The following PCDHGB3 variants were observed in gnomAD, a reference collection of about 807,000 sequenced individuals.
PCDHGB3 encodes protocadherin gamma subfamily B, 3, also known as protocadherin gamma-B3.
A neutral mutation model predicts 59.2 loss-of-function variants in PCDHGB3; 40 were observed. The ratio of observed to expected loss-of-function variants is 0.68; its 90% CI spans 0.52 to 0.88. PCDHGB3 has a LOEUF of 0.88. Ranked by LOEUF, PCDHGB3 falls within the 40% of genes least tolerant of loss-of-function variation. The pLI is 0.00. For synonymous variants in PCDHGB3, 581 were observed against 503.6 expected (o/e 1.15, Z -2.06); for missense variants, 1,309 against 1,187.9 (o/e 1.10, Z -1.50).
intron 1 of PCDHGB3, chr5:141,427,900 C>T (rs1351712272): frequency 2.5e-6 from 4 of 1,571,732 alleles, no homozygotes; most frequent in Non-Finnish European, 3.5e-6. Flanking sequence ...GGCTCGCCCG[C>T]GCTCAGCGCC....
intron 1 of PCDHGB3, chr5:141,397,962 A>G (rs968992832): frequency 2.0e-5 from 21 of 1,036,912 alleles, no homozygotes; most frequent in Non-Finnish European, 2.8e-5. Flanking sequence ...CCCAGCTCAG[A>G]CTCCCCAGCG....
At position 141,404,694 on chromosome 5, in the gene PCDHGB3, C is replaced by T. The variant is rs749803871; in HGVS notation, c.2415+31885C>T. 10 of 1,614,116 alleles carry T rather than the reference C, an allele frequency of 6.2e-6. No homozygotes were observed. The East Asian group carries it at 2.0e-4, about 32-fold the overall frequency. ...ACTGGTGTGGAGCTGGCACCCCGCT[C>T]TGCAGAGCCTGGCTACCTGGTGACC... On this transcript the variant is annotated intron_variant, in intron 1 of 3. Coordinates refer to ENST00000576222, the MANE Select transcript of PCDHGB3 (RefSeq NM_018924.5).
At chr5:141,419,443 C>A in intron 1 of PCDHGB3, 1 of 1,613,080 alleles carries the variant, frequency 6.2e-7, no homozygotes, top group Non-Finnish European at 8.5e-7. Context: ...TGCGCACCTT[C>A]GAGCTCACGC....
In PCDHGB3 at chr5:141,511,367, G is replaced by A. The variant is rs563286583; in HGVS notation, c.*194G>A. ...CCTTCCCCCCCAGGGGGTTGAATAT[G>A]CAAAAGCAGTTCCGCTGGGAACCCC... On this transcript the variant is annotated 3_prime_UTR_variant, in exon 4 of 4. Coordinates refer to ENST00000576222, the MANE Select transcript of PCDHGB3 (RefSeq NM_018924.5). 2.3e-6 allele frequency: 3 copies of A among 1,299,952 alleles called. No individual in the cohort carries two copies. Among genetic ancestry groups the A allele is most frequent in the Non-Finnish European group, 3.1e-6 (3 of 967,442 alleles). 80.5% of individuals were successfully genotyped at this position (1,299,952 alleles called of 1,614,324 possible).
At chr5:141,510,849 G>C (rs959784028) in intron 3 of PCDHGB3, 98 bp from the exon 4 acceptor site, 10 of 1,596,568 alleles carry the variant, frequency 6.3e-6, no homozygotes, top group Middle Eastern at 1.7e-4. Flanking sequence ...CAAGGCCCAG[G>C]GTGCTGTATA....
intron 1 of PCDHGB3, chr5:141,404,885 G>C: frequency 1.2e-6 from 2 of 1,613,906 alleles, no homozygotes; most frequent in Non-Finnish European, 1.7e-6. Context: ...CCTTGTGGTG[G>C]CTGTACAGGA....
chr5:141,401,890 C>T (rs2094204069), intron 1 of PCDHGB3, among the ~76,000 whole-genome samples: 1 of 152,084 alleles, frequency 6.6e-6, no homozygotes, highest in Non-Finnish European at 1.5e-5. Context: ...ATTTTGTGTT[C>T]TTTTTCCCAA....
rs189405542 is a variant in PCDHGB3, at chr5:141,370,398, G to A, written c.4G>A (p.Gly2Arg). Residue 2 changes from glycine (G) to arginine (R), a missense_variant, in exon 1 of 4, where the codon GGA (glycine) becomes AGA (arginine). By Grantham distance (125) the Gly-to-Arg change is moderately radical. Transcript: ENST00000576222. ...AGGCAAAGGCGCAGAGAGCGGGATG[G>A]GAAATAGCTCCGGATGGAGGGGCCC... M[G>R]NSSGWRGPAG... 5 of 1,550,336 alleles carry A rather than the reference G, an allele frequency of 3.2e-6. No individual in the cohort carries two copies. In the Admixed American group the frequency reaches 1.0e-4, roughly 32 times the overall value.
At position 141,489,515 on chromosome 5, in the gene PCDHGB3, G is replaced by T; in HGVS notation, c.2416-5292G>T. ...CTGGCAGTGAATCAAAAGATTGACC[G>T]AGAAAGCCTATGTGGAGCCAGCACC... On this transcript the variant is annotated intron_variant, in intron 1 of 3. Coordinates refer to ENST00000576222, the MANE Select transcript of PCDHGB3 (RefSeq NM_018924.5). This position sits in a 1 kb window ranked among gnomAD's most constrained non-coding sequence, Gnocchi z 4.5. 4.3e-6 allele frequency: 7 copies of T among 1,614,104 alleles called. No individual in the cohort carries two copies. Among genetic ancestry groups the T allele is most frequent in the Non-Finnish European group, 5.9e-6 (7 of 1,180,034 alleles).
intron 1 of PCDHGB3, among the ~76,000 whole-genome samples, chr5:141,457,517 TTAA>T (rs1261688593): frequency 6.6e-6 from 1 of 152,196 alleles, no homozygotes; most frequent in Non-Finnish European, 1.5e-5. Flanking sequence ...TTAAAAACAA[TTAA>T]TGAGACTAGG....
At chr5:141,400,036 C>G (rs1232257433) in intron 1 of PCDHGB3, 28 of 1,613,256 alleles carry the variant, frequency 1.7e-5, no homozygotes, top group Non-Finnish European at 2.4e-5. Context: ...GGCCCGCCAG[C>G]GCCTGCTGGT....
intron 1 of PCDHGB3, chr5:141,398,909 T>A: frequency 6.2e-7 from 1 of 1,613,984 alleles, no homozygotes; most frequent in Non-Finnish European, 8.5e-7. Context: ...GGCACCACTG[T>A]GTTGCAAGTG....
chr5:141,425,371 G>T (rs1396857898), intron 1 of PCDHGB3, among the ~76,000 whole-genome samples: 3 of 152,186 alleles, frequency 2.0e-5, no homozygotes, highest in African/African-American at 7.2e-5. Context: ...AGAGGGTTAT[G>T]TTGATTCGGA....
In PCDHGB3 at chr5:141,476,714, C is replaced by G. The variant is rs146188020; in HGVS notation, c.2416-18093C>G. 3.1e-6 allele frequency: 5 copies of G among 1,614,036 alleles called. No individual in the cohort carries two copies. Among genetic ancestry groups the G allele is most frequent in the African/African-American group, 2.7e-5 (2 of 74,938 alleles). ...CAAGTACGCGGAGCTGGTGTTGGAGCGCGCCCTGGACCGAGAACGGGAGCC... is the reference window on the plus strand; with the variant it reads ...CAAGTACGCGGAGCTGGTGTTGGAGGGCGCCCTGGACCGAGAACGGGAGCC... On this transcript the variant is annotated intron_variant, in intron 1 of 3. Transcript: ENST00000576222. This position sits in a 1 kb window ranked among gnomAD's most constrained non-coding sequence, Gnocchi z 7.6.
rs1309165721 is a variant in PCDHGB3 at position 141,430,655 on chromosome 5, G to A, written c.2415+57846G>A. On this transcript the variant is annotated intron_variant, in intron 1 of 3. Coordinates refer to ENST00000576222, the MANE Select transcript of PCDHGB3 (RefSeq NM_018924.5). Reference sequence around the variant, plus strand: ...ATCCCTGGGAGTATGTGGAAACAACGGAGGAGCTCTGACTTCCCAACTGTC... The same window carrying A: ...ATCCCTGGGAGTATGTGGAAACAACAGAGGAGCTCTGACTTCCCAACTGTC... 4.6e-6 allele frequency: 5 copies of A among 1,084,938 alleles called. No individual in the cohort carries two copies. In the East Asian group the frequency reaches 7.8e-5, roughly 17 times the overall value. 67.2% of individuals were successfully genotyped at this position (1,084,938 alleles called of 1,614,324 possible).
intron 1 of PCDHGB3, chr5:141,427,502 G>A (rs1276688816): frequency 1.7e-6 from 1 of 576,718 alleles, no homozygotes; most frequent in East Asian, 4.0e-5. Flanking sequence ...TAACAGATGG[G>A]ACCCTGGATT....
intron 1 of PCDHGB3, chr5:141,409,887 TGCTGTAC>T: frequency 6.2e-7 from 1 of 1,613,062 alleles, no homozygotes; most frequent in Non-Finnish European, 8.5e-7. Flanking sequence ...GCACCGCGGG[TGCTGTAC>T]CCAGCTCTGG....
intron 1 of PCDHGB3, chr5:141,478,242 T>C (rs750487479): frequency 6.2e-7 from 1 of 1,614,156 alleles, no homozygotes; most frequent in Admixed American, 1.7e-5. Context: ...GTGGTCACAG[T>C]GTTCGGAGTA....
chr5:141,504,907 A>G (rs2099841813), intron 2 of PCDHGB3, among the ~76,000 whole-genome samples: 1 of 152,100 alleles, frequency 6.6e-6, no homozygotes, highest in African/African-American at 2.4e-5. Context: ...TCACTATGAC[A>G]GGAAGCCAGG....
Sources: allele counts gnomAD v4.1 joint callset (sites outside exome capture counted in the v4.1 genomes callset), GRCh38; gene constraint gnomAD v4.1.1; non-coding constraint Gnocchi (gnomAD v3.1); transcripts MANE v1.5; gene names NCBI Gene and HGNC (gene_info 2026-07-23, HGNC 2026-07-21).